PCDH15: variants seen among roughly 807,000 people sequenced by gnomAD.
PCDH15 encodes the protein protocadherin related 15.
A neutral mutation model predicts 178.5 loss-of-function variants in PCDH15; 129 were observed. The observed-to-expected ratio is 0.72, with a 90% CI of 0.63 to 0.84. PCDH15 has a LOEUF of 0.84. Ranked by LOEUF, PCDH15 falls within the 40% of genes least tolerant of loss-of-function variation. The pLI is 0.00. For synonymous variants in PCDH15, 800 were observed against 732.0 expected (o/e 1.09, Z -1.50); for missense variants, 2,230 against 2,099.9 (o/e 1.06, Z -1.21).
chr10:54,056,860 G>A (rs1248597428), intron 18 of PCDH15, among the ~76,000 whole-genome samples: 1 of 152,162 alleles, frequency 6.6e-6, no homozygotes, highest in African/African-American at 2.4e-5. Flanking sequence ...TAGATACACT[G>A]GGGATACAGG....
intron 3 of PCDH15, among the ~76,000 whole-genome samples, chr10:54,418,823 A>C (rs1329684418): frequency 1.3e-5 from 2 of 152,012 alleles, no homozygotes; most frequent in Non-Finnish European, 2.9e-5. Flanking sequence ...AAAATATAAA[A>C]ATTTATTCTA....
At chr10:53,823,288 G>C in intron 32 of PCDH15, 3 of 1,613,998 alleles carry the variant, frequency 1.9e-6, no homozygotes, top group Non-Finnish European at 2.5e-6. Flanking sequence ...ATCACAACTT[G>C]TTGATGTTTC....
intron 2 of PCDH15, among the ~76,000 whole-genome samples, chr10:55,088,330 G>A (rs557023820): frequency 9.9e-5 from 15 of 151,714 alleles, no homozygotes; most frequent in South Asian, 6.2e-4. Context: ...GTGCAGTGGC[G>A]TGATCTTGGC....
intron 2 of PCDH15, among the ~76,000 whole-genome samples, chr10:54,929,912 T>C (rs539254214): frequency 6.6e-6 from 1 of 152,306 alleles, no homozygotes; most frequent in Admixed American, 6.5e-5. Flanking sequence ...AATAAATTAT[T>C]TAAGCAGATA....
At chr10:54,961,657 G>A (rs886423819) in intron 2 of PCDH15, among the ~76,000 whole-genome samples, 3 of 152,136 alleles carry the variant, frequency 2.0e-5, no homozygotes, top group African/African-American at 7.2e-5. Flanking sequence ...TACCCACTTC[G>A]GGATTCCTCT....
chr10:54,788,724 G>T (rs1286867510), intron 1 of PCDH15, among the ~76,000 whole-genome samples: 7 of 151,824 alleles, frequency 4.6e-5, no homozygotes, highest in African/African-American at 7.2e-5. Context: ...TGGGGGAAAA[G>T]TCAGCAATAG....
At chr10:55,291,146 C>A (rs902226966) in intron 1 of PCDH15, among the ~76,000 whole-genome samples, 18 of 152,084 alleles carry the variant, frequency 1.2e-4, no homozygotes, top group Non-Finnish European at 4.4e-5. Flanking sequence ...CCTCACATTT[C>A]AAAAACAATC....
At chr10:53,808,434 T>C in intron 37 of PCDH15, 1 of 1,209,122 alleles carries the variant, frequency 8.3e-7, no homozygotes, top group Non-Finnish European at 1.0e-6. Flanking sequence ...CAGTAAATAT[T>C]AAATATTGAT....
At chr10:53,965,195 C>G (rs907561940) in intron 21 of PCDH15, among the ~76,000 whole-genome samples, 4 of 151,852 alleles carry the variant, frequency 2.6e-5, no homozygotes, top group Non-Finnish European at 5.9e-5. Flanking sequence ...GCAGCTGGGA[C>G]TACACGAGCC....
chr10:54,962,130 G>A (rs947504942), intron 2 of PCDH15, among the ~76,000 whole-genome samples: 1 of 152,244 alleles, frequency 6.6e-6, no homozygotes, highest in Non-Finnish European at 1.5e-5. Flanking sequence ...GGAGTGAAAG[G>A]AGCTGTAACA....
chr10:53,833,012 T>G (rs2077102039), intron 29 of PCDH15, among the ~76,000 whole-genome samples: 1 of 151,988 alleles, frequency 6.6e-6, no homozygotes, highest in Admixed American at 6.6e-5. Flanking sequence ...TTGTTACACG[T>G]TAAAAGAAAA....
chr10:55,598,536 A>G (rs1365537437), intron 2 of PCDH15, among the ~76,000 whole-genome samples: 1 of 37,600 alleles, frequency 2.7e-5, no homozygotes, highest in Admixed American at 2.8e-4. Context: ...ATATATATAT[A>G]TATATATATA....
At chr10:55,414,675 T>G (rs1838430648) in intron 2 of PCDH15, among the ~76,000 whole-genome samples, 1 of 151,502 alleles carries the variant, frequency 6.6e-6, no homozygotes, top group Admixed American at 6.6e-5. Context: ...TCATTTTAGA[T>G]AGATAATTAT....
At chr10:54,672,418 G>A (rs980621768) in intron 1 of PCDH15, among the ~76,000 whole-genome samples, 1 of 152,006 alleles carries the variant, frequency 6.6e-6, no homozygotes, top group Non-Finnish European at 1.5e-5. Flanking sequence ...ATATGATAAA[G>A]GTAACAAGAT....
intron 2 of PCDH15, among the ~76,000 whole-genome samples, chr10:54,902,058 C>A (rs546586224): frequency 6.6e-6 from 1 of 152,112 alleles, no homozygotes; most frequent in South Asian, 2.1e-4. Flanking sequence ...CATGAAATCA[C>A]AGCTTCAAAT....
intron 2 of PCDH15, among the ~76,000 whole-genome samples, chr10:55,346,361 A>C (rs1254728706): frequency 6.6e-6 from 1 of 152,178 alleles, no homozygotes; most frequent in Non-Finnish European, 1.5e-5. Context: ...CAGAAATTCT[A>C]TGTGGTCAGG....
At chr10:53,842,113 T>C (rs1188310111) in intron 28 of PCDH15, among the ~76,000 whole-genome samples, 1 of 152,192 alleles carries the variant, frequency 6.6e-6, no homozygotes, top group Non-Finnish European at 1.5e-5. Flanking sequence ...AACCATATTA[T>C]ACTCTTGACA....
At chr10:54,462,506 TCTTTTC>T (rs2077236532) in intron 3 of PCDH15, among the ~76,000 whole-genome samples, 1 of 126,530 alleles carries the variant, frequency 7.9e-6, no homozygotes, top group East Asian at 2.3e-4. Context: ...TTTTTCTTTT[TCTTTTC>T]TTTTTTTTTT....
intron 32 of PCDH15, chr10:53,822,031 T>G (rs1487220938): frequency 6.2e-7 from 1 of 1,613,946 alleles, no homozygotes; most frequent in African/African-American, 1.3e-5. Context: ...TGACTGTACA[T>G]GTTAGCTACT....
Sources: allele counts gnomAD v4.1 joint callset (sites outside exome capture counted in the v4.1 genomes callset), GRCh38; gene constraint gnomAD v4.1.1; transcripts MANE v1.5; gene names NCBI Gene and HGNC (gene_info 2026-07-23, HGNC 2026-07-21).